VPS13B: variants seen among roughly 807,000 people sequenced by gnomAD.
VPS13B encodes vacuolar protein sorting 13 homolog B, also known as intermembrane lipid transfer protein VPS13B.
In VPS13B, 285 loss-of-function variants were observed where a neutral mutation model predicts 426.4. The ratio of observed to expected loss-of-function variants is 0.67; its 90% CI spans 0.61 to 0.74. The LOEUF (loss-of-function observed/expected upper bound fraction) is 0.74, where lower values mean the gene tolerates loss of function less well. VPS13B is among the 30% of genes least tolerant of loss of function. The probability of loss-of-function intolerance (pLI) is 0.00; values close to 1 mark genes in which losing one functional copy is unlikely to be tolerated. For synonymous variants in VPS13B, 1,676 were observed against 1,676.4 expected (o/e 1.00, Z 0.01); for missense variants, 4,537 against 4,782.6 (o/e 0.95, Z 1.51).
intron 33 of VPS13B, among the ~76,000 whole-genome samples, chr8:99,588,753 C>T (rs1218066276): frequency 6.6e-6 from 1 of 151,736 alleles, no homozygotes; most frequent in Non-Finnish European, 1.5e-5. Flanking sequence ...GTCATGTCAT[C>T]TGCAAACAGG....
chr8:99,529,738 T>C (rs1358883211), intron 30 of VPS13B, among the ~76,000 whole-genome samples: 1 of 152,198 alleles, frequency 6.6e-6, no homozygotes, highest in African/African-American at 2.4e-5. Context: ...CACTGGTGTG[T>C]GAATTAAAAT....
intron 25 of VPS13B, among the ~76,000 whole-genome samples, chr8:99,486,376 C>A (rs550635045): frequency 1.1e-4 from 16 of 152,016 alleles, no homozygotes; most frequent in Admixed American, 1.0e-3. Flanking sequence ...CAGGCGCCTG[C>A]CACCACTCCT....
intron 33 of VPS13B, among the ~76,000 whole-genome samples, chr8:99,639,305 C>A (rs1195546760): frequency 1.3e-5 from 2 of 151,854 alleles, no homozygotes; most frequent in Admixed American, 1.3e-4. Context: ...CTAAGATCAC[C>A]AAGAAGGAAA....
intron 39 of VPS13B, among the ~76,000 whole-genome samples, chr8:99,744,536 C>T (rs1453502516): frequency 1.3e-5 from 2 of 152,114 alleles, no homozygotes; most frequent in Non-Finnish European, 2.9e-5. Flanking sequence ...TTTATTGCGG[C>T]ACTATTCACA....
intron 21 of VPS13B, among the ~76,000 whole-genome samples, chr8:99,419,274 C>A (rs925364086): frequency 5.9e-5 from 9 of 152,178 alleles, no homozygotes; most frequent in African/African-American, 2.2e-4. Flanking sequence ...CTTCACCTTC[C>A]ACCATGATTG....
intron 51 of VPS13B, among the ~76,000 whole-genome samples, chr8:99,824,271 C>T (rs1461963151): frequency 6.6e-6 from 1 of 152,132 alleles, no homozygotes; most frequent in Non-Finnish European, 1.5e-5. Context: ...TCACTAGACT[C>T]CTACAAGCAG....
At chr8:99,666,033 A>C (rs547399089) in intron 35 of VPS13B, among the ~76,000 whole-genome samples, 23 of 152,270 alleles carry the variant, frequency 1.5e-4, no homozygotes, top group Middle Eastern at 6.8e-3. Flanking sequence ...GAGGTCCTTC[A>C]CATCCCTTTA....
intron 20 of VPS13B, 93 bp downstream of exon 20, chr8:99,384,410 A>G (rs538555131): frequency 9.7e-7 from 1 of 1,035,164 alleles, no homozygotes; most frequent in African/African-American, 1.6e-5. Flanking sequence ...TTCTTTTTTA[A>G]CAAATGTACT....
Position 99,853,441 on chromosome 8 carries a change from T to C in VPS13B, c.10062-10T>C. ...GGGGGGACTAATGTTCTTGTCCCTT[T>C]CTCCTCTAGAGCGCCAGAGAAGATT... On this transcript the variant is annotated splice_polypyrimidine_tract_variant and intron_variant, in intron 55 of 61. Coordinates refer to ENST00000357162, the MANE Select transcript of VPS13B (RefSeq NM_152564.5). The C allele has an allele frequency of 1.2e-6, 2 of 1,614,092 alleles. No individual in the cohort carries two copies. The highest frequency in any genetic ancestry group is 1.1e-5 in the South Asian group (1 of 91,002).
At chr8:99,615,134 A>G (rs1588552744) in intron 33 of VPS13B, among the ~76,000 whole-genome samples, 1 of 151,968 alleles carries the variant, frequency 6.6e-6, no homozygotes. Flanking sequence ...AAAAAAAAAA[A>G]AAAAAAATTT....
intron 17 of VPS13B, among the ~76,000 whole-genome samples, chr8:99,231,884 C>T (rs1816340533): frequency 6.6e-6 from 1 of 152,106 alleles, no homozygotes; most frequent in South Asian, 2.1e-4. Context: ...ATGGCTTATA[C>T]ACCAAAATGC....
intron 17 of VPS13B, among the ~76,000 whole-genome samples, chr8:99,271,559 G>A (rs896834497): frequency 1.3e-5 from 2 of 152,116 alleles, no homozygotes; most frequent in Admixed American, 6.5e-5. Flanking sequence ...TGATAGCTCC[G>A]AGTATTAGTC....
intron 16 of VPS13B, among the ~76,000 whole-genome samples, chr8:99,179,434 C>T (rs763576186): frequency 6.6e-6 from 1 of 152,040 alleles, no homozygotes; most frequent in Non-Finnish European, 1.5e-5. Flanking sequence ...TCATCTGAAA[C>T]GTCCTCCTCT....
At chr8:99,446,382 C>A (rs1222657759) in intron 23 of VPS13B, among the ~76,000 whole-genome samples, 1 of 152,002 alleles carries the variant, frequency 6.6e-6, no homozygotes, top group African/African-American at 2.4e-5. Context: ...CCTTGGAAGT[C>A]GTTTGTCCTT....
At chr8:99,532,976 G>A (rs1158109206) in intron 30 of VPS13B, among the ~76,000 whole-genome samples, 5 of 137,096 alleles carry the variant, frequency 3.6e-5, no homozygotes, top group Non-Finnish European at 6.1e-5. Context: ...GTCTCACTCC[G>A]TCGGCCAGGC....
chr8:99,054,387 C>A (rs1843724018), intron 3 of VPS13B, among the ~76,000 whole-genome samples: 1 of 152,150 alleles, frequency 6.6e-6, no homozygotes, highest in Non-Finnish European at 1.5e-5. Flanking sequence ...AATCTTTGAC[C>A]ATTTTAAAAT....
At chr8:99,192,505 T>C (rs978352483) in intron 16 of VPS13B, among the ~76,000 whole-genome samples, 1 of 152,196 alleles carries the variant, frequency 6.6e-6, no homozygotes, top group Admixed American at 6.5e-5. Flanking sequence ...GGATTCAACG[T>C]GTTAACAGAT....
intron 13 of VPS13B, among the ~76,000 whole-genome samples, chr8:99,146,573 T>G (rs1245712170): frequency 6.6e-6 from 1 of 152,188 alleles, no homozygotes; most frequent in African/African-American, 2.4e-5. Context: ...GTTGGCTGTT[T>G]CGTTTTGTTT....
At chr8:99,399,779 C>T (rs191637480) in intron 21 of VPS13B, among the ~76,000 whole-genome samples, 21 of 152,114 alleles carry the variant, frequency 1.4e-4, no homozygotes, top group Admixed American at 9.8e-4. Flanking sequence ...CCATGTGTGC[C>T]GTGCGGAGTA....
Sources: allele counts gnomAD v4.1 joint callset (sites outside exome capture counted in the v4.1 genomes callset), GRCh38; gene constraint gnomAD v4.1.1; transcripts MANE v1.5; gene names NCBI Gene and HGNC (gene_info 2026-07-23, HGNC 2026-07-21).